PPM1B: variants seen among roughly 807,000 people sequenced by gnomAD.
The protein encoded by PPM1B is protein phosphatase, Mg2+/Mn2+ dependent 1B.
A neutral mutation model predicts 43.0 loss-of-function variants in PPM1B; 22 were observed. That is an observed-to-expected ratio of 0.51 (90% CI 0.37 to 0.73). PPM1B has a LOEUF of 0.73. PPM1B is among the 30% of genes least tolerant of loss of function. PPM1B has a pLI of 0.00. For missense variants in PPM1B, 632 were observed against 584.2 expected (o/e 1.08, Z -0.84); for synonymous variants, 217 against 197.9 (o/e 1.10, Z -0.81).
chr2:44,169,789 G>A (rs1256275342), intron 1 of PPM1B, among the ~76,000 whole-genome samples: 5 of 152,136 alleles, frequency 3.3e-5, no homozygotes, highest in Non-Finnish European at 5.9e-5. Flanking sequence ...CCTCCTTAGT[G>A]GCTTTAAATT....
chr2:44,214,613 A>C (rs1054064919), intron 3 of PPM1B, among the ~76,000 whole-genome samples: 2 of 152,070 alleles, frequency 1.3e-5, no homozygotes, highest in Non-Finnish European at 2.9e-5. Flanking sequence ...TGGATGGAAA[A>C]TTATTACTAA....
At chr2:44,236,421 A>AAAAAAAAAAAAAAAAAAAAC, downstream of PPM1B, among the ~76,000 whole-genome samples, 1 of 141,296 alleles carries the variant, frequency 7.1e-6, no homozygotes, top group Admixed American at 7.1e-5. Flanking sequence ...AAAAAAAAAA[A>AAAAAAAAAAAAAAAAAAAAC]AAAAAAGTTG....
Position 44,201,834 on chromosome 2 carries a change from G to A in PPM1B, c.635G>A (p.Gly212Asp). 6.2e-7 allele frequency: 1 copy of A among 1,614,162 alleles called. No individual in the cohort carries two copies. The highest frequency in any genetic ancestry group is 8.5e-7 in the Non-Finnish European group (1 of 1,180,020). Residue 212 changes from glycine to aspartate, a missense_variant, in exon 2 of 6, where the codon GGC (glycine) becomes GAC (aspartate). Gly to Asp is a moderately conservative substitution (Grantham distance 94). Coordinates refer to ENST00000282412, the MANE Select transcript of PPM1B (RefSeq NM_002706.6). The surrounding 1 kb of genome is among the most constrained non-coding windows in gnomAD (Gnocchi z 5.4). ...LGDYDYKCVDGKGPTEQLVSP... is the reference protein window; with the variant it reads ...LGDYDYKCVDDKGPTEQLVSP... ...GACTATGATTACAAGTGTGTTGATG[G>A]CAAGGGCCCAACAGAACAACTTGTT...
intron 3 of PPM1B, among the ~76,000 whole-genome samples, chr2:44,215,587 T>C (rs1422946950): frequency 6.6e-6 from 1 of 152,186 alleles, no homozygotes; most frequent in Non-Finnish European, 1.5e-5. Context: ...GTGTACTTGG[T>C]AAATCTGTGT....
At chr2:44,199,327 A>AAAAAAAAAAAAAAT (rs1558406340) in intron 1 of PPM1B, among the ~76,000 whole-genome samples, 1 of 140,178 alleles carries the variant, frequency 7.1e-6, no homozygotes, top group African/African-American at 2.8e-5. Context: ...ATAAAAATAA[A>AAAAAAAAAAAAAAT]AAAAAAAAAA....
chr2:44,177,177 T>C (rs181799054), intron 1 of PPM1B, among the ~76,000 whole-genome samples: 3 of 152,324 alleles, frequency 2.0e-5, no homozygotes, highest in Admixed American at 2.0e-4. Context: ...AATTTAGTAC[T>C]GTAATTCAGA....
chr2:44,221,169 C>T (rs1168655750), intron 5 of PPM1B, among the ~76,000 whole-genome samples: 1 of 152,048 alleles, frequency 6.6e-6, no homozygotes, highest in Non-Finnish European at 1.5e-5. Context: ...ATTACAGAGA[C>T]CAAATGGTAA....
chr2:44,191,210 T>A (rs1475399124), intron 1 of PPM1B, among the ~76,000 whole-genome samples: 1 of 152,160 alleles, frequency 6.6e-6, no homozygotes, highest in African/African-American at 2.4e-5. Context: ...TAAATTTTAT[T>A]TGTTTTTGTT....
chr2:44,192,608 A>C (rs574111795), intron 1 of PPM1B, among the ~76,000 whole-genome samples: 3 of 152,332 alleles, frequency 2.0e-5, no homozygotes, highest in Non-Finnish European at 4.4e-5. Context: ...ATATGTATGC[A>C]GTGTAAAATG....
At position 44,229,894 on chromosome 2, in the gene PPM1B, A is replaced by G. The variant is rs1670392478; in HGVS notation, c.1135-519A>G. The G allele has an allele frequency of 4.3e-6, 5 of 1,160,438 alleles. No homozygotes were observed. The South Asian group carries it at 4.8e-5, about 11-fold the overall frequency. 71.9% of individuals were successfully genotyped at this position (1,160,438 alleles called of 1,614,324 possible). A position where few individuals can be genotyped will look rare whatever the true frequency, so the allele number is the denominator to read the frequency against. On this transcript the variant is annotated intron_variant, in intron 5 of 5. Coordinates refer to ENST00000282412, the MANE Select transcript of PPM1B (RefSeq NM_002706.6). ...GAGATGTTTTTATCAAAATAAGAGCAAAAAGTAAATACAATTTTTATCCGT... is the reference window on the plus strand; with the variant it reads ...GAGATGTTTTTATCAAAATAAGAGCGAAAAGTAAATACAATTTTTATCCGT...
At chr2:44,239,429 C>A (rs1670698973), downstream of PPM1B, among the ~76,000 whole-genome samples, 1 of 151,672 alleles carries the variant, frequency 6.6e-6, no homozygotes, top group African/African-American at 2.4e-5. Flanking sequence ...ACCTCTCAGA[C>A]TGTTTTTCTT....
chr2:44,218,590 C>G (rs977402569), intron 5 of PPM1B, 53 bp downstream of exon 5: 2 of 1,222,842 alleles, frequency 1.6e-6, no homozygotes, highest in African/African-American at 1.5e-5. Flanking sequence ...AATATAAATA[C>G]TAAATATGAA....
intron 3 of PPM1B, among the ~76,000 whole-genome samples, chr2:44,214,196 C>T (rs1669613993): frequency 6.6e-6 from 1 of 152,176 alleles, no homozygotes. Flanking sequence ...TCTTCTGCCT[C>T]AGCCTCCGAA....
At chr2:44,209,008 G>A (rs1363043545) in intron 2 of PPM1B, among the ~76,000 whole-genome samples, 1 of 152,138 alleles carries the variant, frequency 6.6e-6, no homozygotes. Context: ...TAAAAATACA[G>A]AAATGCTTAC....
downstream of PPM1B, chr2:44,232,626 A>G (rs1164945921): frequency 3.2e-6 from 4 of 1,240,270 alleles, no homozygotes; most frequent in African/African-American, 6.2e-5. Context: ...GAGTTATTTC[A>G]CCACAAATCA....
exon 6 of PPM1B, chr2:44,244,249 A>G (rs989967895): frequency 2.2e-6 from 3 of 1,347,272 alleles, no homozygotes; most frequent in African/African-American, 1.5e-5. Flanking sequence ...GGGCACGTCC[A>G]TCTGTAAACC....
At chr2:44,239,309 T>C (rs1160456595), downstream of PPM1B, among the ~76,000 whole-genome samples, 2 of 152,132 alleles carry the variant, frequency 1.3e-5, no homozygotes, top group African/African-American at 4.8e-5. Context: ...CTTTTCTGAA[T>C]TGAATGCTCA....
In PPM1B at chr2:44,202,053, A is replaced by G. The variant is rs1668964811; in HGVS notation, c.846+8A>G. 2.7e-6 allele frequency: 4 copies of G among 1,508,314 alleles called. No homozygotes were observed. The highest frequency in any genetic ancestry group is 1.4e-5 in the South Asian group (1 of 71,164). The allele number at this position is 1,508,314 out of a possible 1,614,324, so 93.4% of individuals were successfully genotyped here. A position where few individuals can be genotyped will look rare whatever the true frequency, so the allele number is the denominator to read the frequency against. On this transcript the variant is annotated splice_region_variant and intron_variant, in intron 2 of 5. Transcript: ENST00000282412. ...GACACTTGTTTACACAAGGTATGTA[A>G]ACTTTTTTGTCATTAAAATAACATG...
At chr2:44,222,031 A>G (rs1464765336) in intron 5 of PPM1B, among the ~76,000 whole-genome samples, 1 of 152,098 alleles carries the variant, frequency 6.6e-6, no homozygotes, top group African/African-American at 2.4e-5. Context: ...TTCTTAGTCT[A>G]GGGATTCACG....
Sources: gnomAD v4.1 joint callset for allele counts (sites outside exome capture counted in the v4.1 genomes callset) on GRCh38, gnomAD v4.1.1 for gene constraint, Gnocchi (gnomAD v3.1) non-coding constraint, MANE v1.5 for transcripts, NCBI Gene and HGNC (gene_info 2026-07-23, HGNC 2026-07-21) for gene names.